DUXA: variants seen among roughly 807,000 people sequenced by gnomAD.
DUXA encodes double homeobox protein A.
Under a neutral mutation model 27.5 loss-of-function variants are expected in DUXA, and 25 were observed. The ratio of observed to expected loss-of-function variants is 0.91; its 90% CI spans 0.66 to 1.27. The LOEUF (loss-of-function observed/expected upper bound fraction) is 1.27. DUXA is among the 50% of genes most tolerant of loss of function. The pLI is 0.00. For synonymous variants in DUXA, 90 were observed against 80.5 expected (o/e 1.12, Z -0.63); for missense variants, 247 against 242.9 (o/e 1.02, Z -0.11).
chr19:57,155,143 C>G (rs546269304), intron 5 of DUXA, 124 bp downstream of exon 5: 1 of 804,130 alleles, frequency 1.2e-6, no homozygotes, highest in Non-Finnish European at 2.0e-6. Flanking sequence ...CCCATGGTAC[C>G]GTGGAGCACT....
intron 1 of DUXA, among the ~76,000 whole-genome samples, chr19:57,165,341 A>G (rs1336791606): frequency 2.8e-5 from 4 of 141,972 alleles, no homozygotes; most frequent in Admixed American, 7.1e-5. Context: ...ATATATATAT[A>G]TATGTATATA....
intron 5 of DUXA, 101 bp downstream of exon 5, chr19:57,155,166 T>A: frequency 9.6e-7 from 1 of 1,044,302 alleles, no homozygotes; most frequent in Admixed American, 2.0e-5. Context: ...AGTGGGGATA[T>A]CCTCCACCTC....
Position 57,165,321 on chromosome 19 carries a change from AAAAAT to A in DUXA, c.25+2093_25+2097del, listed in dbSNP as rs1460623058. On this transcript the variant is annotated intron_variant, in intron 1 of 5. Transcript: ENST00000554048. ...ATTTCTGGAGTAGGAAAAAAAAAAA[AAAAAT>A]ATATATATATATATATATGTATATA... 8.7e-3 allele frequency among the ~76,000 whole-genome samples: 848 copies of A among 97,888 alleles called. 6 individuals are homozygous for A. The highest frequency in any genetic ancestry group is 0.028 in the African/African-American group (760 of 27,390). The allele number at this position is 97,888 out of a possible 152,430, so 64.2% of individuals were successfully genotyped here. A position where few individuals can be genotyped will look rare whatever the true frequency, so the allele number is the denominator to read the frequency against.
At chr19:57,157,296 T>C (rs1321714239) in intron 4 of DUXA, among the ~76,000 whole-genome samples, 1 of 152,132 alleles carries the variant, frequency 6.6e-6, no homozygotes, top group Non-Finnish European at 1.5e-5. Context: ...GACTGGTACA[T>C]TTCTCTGAGC....
rs374399291 is a variant in DUXA, at chr19:57,161,577, T to G, written c.26-780A>C. Among the ~76,000 whole-genome samples the G allele has an allele frequency of 2.6e-3, 382 of 147,966 alleles. 1 individual carries two copies. Among genetic ancestry groups the G allele is most frequent in the African/African-American group, 9.2e-3 (365 of 39,834 alleles). On this transcript the variant is annotated intron_variant, in intron 1 of 5. Coordinates refer to ENST00000554048, the MANE Select transcript of DUXA (RefSeq NM_001012729.2). The stretch of plus-strand genomic sequence containing the variant: ...GGCGGAGCTTGCAGTGAGCCGAGAT[T>G]GCGCCACTGCACTCCAGCCTGGGTG...
intron 1 of DUXA, among the ~76,000 whole-genome samples, chr19:57,164,508 G>T (rs950210166): frequency 6.6e-6 from 1 of 152,154 alleles, no homozygotes; most frequent in African/African-American, 2.4e-5. Flanking sequence ...CCGGGAGGCA[G>T]AGGTTGCAGT....
rs1015028275 is a variant in DUXA at position 57,154,274 on chromosome 19, C to G, written c.*138G>C. The G allele has an allele frequency of 2.0e-5, 15 of 739,012 alleles. No homozygotes were observed. In the African/African-American group the frequency reaches 2.3e-4, roughly 11 times the overall value. The allele number at this position is 739,012 out of a possible 1,614,324, so 45.8% of individuals were successfully genotyped here. On this transcript the variant is annotated 3_prime_UTR_variant, in exon 6 of 6. Transcript: ENST00000554048. The stretch of plus-strand genomic sequence containing the variant: ...AAGTAGTGGGATTACAAGTGTGACC[C>G]ACCACATCTGGCCAAGTCCTTTACC...
intron 2 of DUXA, 128 bp downstream of exon 2, chr19:57,160,515 T>G: frequency 8.9e-7 from 1 of 1,123,216 alleles, no homozygotes; most frequent in Non-Finnish European, 1.3e-6. Flanking sequence ...CTTCGTGGGT[T>G]TATTGAGGGT....
At chr19:57,165,309 GAAAA>G (rs71186231) in intron 1 of DUXA, among the ~76,000 whole-genome samples, 1,433 of 116,358 alleles carry the variant, frequency 0.012, 27 homozygotes, top group African/African-American at 0.036. Flanking sequence ...TCTGGAGTAG[GAAAA>G]AAAAAAAAAA....
intron 1 of DUXA, among the ~76,000 whole-genome samples, chr19:57,165,528 G>C (rs865837089): frequency 1.3e-5 from 2 of 149,166 alleles, no homozygotes; most frequent in South Asian, 4.3e-4. Context: ...GACCCTGGCC[G>C]GGCACGGTGG....
intron 4 of DUXA, 69 bp downstream of exon 4, chr19:57,158,259 C>T: frequency 6.4e-7 from 1 of 1,562,580 alleles, no homozygotes; most frequent in South Asian, 1.1e-5. Context: ...CTGCCTGAGG[C>T]CCATGTGGCT....
intron 1 of DUXA, among the ~76,000 whole-genome samples, chr19:57,161,121 C>T (rs1220180453): frequency 6.6e-6 from 1 of 151,556 alleles, no homozygotes; most frequent in Non-Finnish European, 1.5e-5. Context: ...GTCAGGAGTT[C>T]GAGACCAGCC....
chr19:57,154,382 T>C lies in DUXA; in HGVS notation c.*30A>G, dbSNP rs8108591. 0.52 allele frequency: 823,899 copies of C among 1,597,118 alleles called. 216,109 individuals carry two copies. Among genetic ancestry groups the C allele is most frequent in the Non-Finnish European group, 0.54 (628,322 of 1,165,638 alleles). On this transcript the variant is annotated 3_prime_UTR_variant, in exon 6 of 6. Transcript: ENST00000554048. ...TGAGACAGATTTGGGGTCCAGTTGA[T>C]ATTATCAAGTACACTGAATTTGACT...
chr19:57,155,498 C>G (rs1259119414), intron 4 of DUXA, 126 bp from the exon 5 acceptor site: 2 of 701,952 alleles, frequency 2.8e-6, no homozygotes, highest in African/African-American at 3.6e-5. Flanking sequence ...GCTAGTGCCA[C>G]AGCTGTGCAT....
chr19:57,161,503 G>C (rs1306991308), intron 1 of DUXA, among the ~76,000 whole-genome samples: 8 of 145,860 alleles, frequency 5.5e-5, no homozygotes, highest in Admixed American at 2.7e-4. Flanking sequence ...GGCACCTGTA[G>C]TCCCAGCTAC....
chr19:57,165,324 A>ATATATATATACATATAT (rs1555759590), intron 1 of DUXA, among the ~76,000 whole-genome samples: 2 of 89,286 alleles, frequency 2.2e-5, no homozygotes, highest in Admixed American at 2.6e-4. Context: ...AAAAAAAAAA[A>ATATATATATACATATAT]ATATATATAT....
At position 57,155,303 on chromosome 19, in the gene DUXA, G is replaced by C. The variant is rs780921059; in HGVS notation, c.508C>G (p.Gln170Glu). Residue 170 changes from glutamine (Q) to glutamate (E), a missense_variant, in exon 5 of 6, where the codon CAA becomes GAA. By Grantham distance (29) the Gln-to-Glu change is conservative. Transcript: ENST00000554048. ...RKREPVASLE[Q>E]EEQGKIPEGL... ...TCAGGAATCTTGCCCTGCTCTTCTT[G>C]TTCTAAGGACGCCACAGGTTCCCTT... The C allele has an allele frequency of 8.7e-6, 14 of 1,614,176 alleles. No homozygotes were observed. The highest frequency in any genetic ancestry group is 1.7e-5 in the Admixed American group (1 of 60,024).
Position 57,158,353 on chromosome 19 carries a change from AT to A in DUXA, c.412del (p.Ile138SerfsTer31), listed in dbSNP as rs752099087. 1 of 1,612,184 alleles carries A rather than the reference AT, an allele frequency of 6.2e-7. No individual in the cohort carries two copies. The highest frequency in any genetic ancestry group is 8.5e-7 in the Non-Finnish European group (1 of 1,179,902). On this transcript the variant is annotated frameshift_variant, in exon 4 of 6. Transcript: ENST00000554048. LOFTEE classifies it high-confidence loss of function. ...TTGGACTCTTGACTCTGGAACACCG[AT>A]TTCTTTAGCAAGTTCTTCTCTGGAA... Reference protein sequence around the residue: ...IDSREELAKEIGVPESRVQIW... With the variant: ...IDSREELAKEXGVPESRVQIW...
At position 57,154,052 on chromosome 19, in the gene DUXA, A is replaced by G. The variant is rs1452784659; in HGVS notation, c.*360T>C. ...AAAGATTATTACCAAGTTTATTTTC[A>G]TTGTCTCAAGGTCTTCTGAACTCTG... On this transcript the variant is annotated 3_prime_UTR_variant, in exon 6 of 6. Transcript: ENST00000554048. 6 of 164,444 alleles carry G rather than the reference A, an allele frequency of 3.6e-5. No individual in the cohort carries two copies. Among genetic ancestry groups the G allele is most frequent in the Non-Finnish European group, 7.9e-5 (6 of 76,184 alleles). The allele number at this position is 164,444 out of a possible 1,614,324, so 10.2% of individuals were successfully genotyped here.
Sources: allele counts gnomAD v4.1 joint callset (sites outside exome capture counted in the v4.1 genomes callset), GRCh38; gene constraint gnomAD v4.1.1; transcripts MANE v1.5; gene names NCBI Gene and HGNC (gene_info 2026-07-23, HGNC 2026-07-21).